NCAN: variants seen among roughly 807,000 people sequenced by gnomAD.
NCAN encodes neurocan core protein.
A neutral mutation model predicts 121.8 loss-of-function variants in NCAN; 47 were observed. That is an observed-to-expected ratio of 0.39 (90% CI 0.31 to 0.49). NCAN has a LOEUF of 0.49. NCAN is among the 20% of genes least tolerant of loss of function. NCAN has a pLI of 0.92. For missense variants in NCAN, 1,517 were observed against 1,773.4 expected (o/e 0.86, Z 2.60); for synonymous variants, 633 against 702.0 (o/e 0.90, Z 1.55).
chr19:19,243,811 A>G (rs1377968848), intron 12 of NCAN, among the ~76,000 whole-genome samples: 1 of 152,120 alleles, frequency 6.6e-6, no homozygotes, highest in Non-Finnish European at 1.5e-5. Context: ...GTGGATCGCG[A>G]GGTCAGGAGT....
intron 11 of NCAN, among the ~76,000 whole-genome samples, chr19:19,240,043 T>A: frequency 2.4e-5 from 1 of 41,622 alleles, no homozygotes; most frequent in African/African-American, 1.1e-4. Context: ...TCCTTTCTCC[T>A]CCCCCTCCTC....
chr19:19,251,312 A>G lies in NCAN; in HGVS notation c.*1401A>G, dbSNP rs957107461. 2 of 152,246 alleles carry G rather than the reference A, an allele frequency of 1.3e-5. No individual in the cohort carries two copies. Among genetic ancestry groups the G allele is most frequent in the East Asian group, 3.8e-4 (2 of 5,204 alleles). The allele number at this position is 152,246 out of a possible 1,614,324, so 9.4% of individuals were successfully genotyped here. On this transcript the variant is annotated 3_prime_UTR_variant, in exon 15 of 15. Transcript: ENST00000252575. ...GAGCCTGAATCCCTTCTGGGAAGTA[A>G]TAATGACCATTGACAACTAAGAAGT... is the stretch of plus-strand genomic sequence containing the variant.
chr19:19,214,701 C>A (rs2060789624), intron 1 of NCAN, among the ~76,000 whole-genome samples: 1 of 150,044 alleles, frequency 6.7e-6, no homozygotes, highest in Non-Finnish European at 1.5e-5. Flanking sequence ...GCAGAGCTAT[C>A]TGGATGTAGT....
rs1813474828 is a variant in NCAN, at chr19:19,219,216, A to G, written c.375A>G (p.Leu125=). Residue 125 remains leucine (L), a synonymous_variant, in exon 3 of 15, where the codon CTA becomes CTG. Coordinates refer to ENST00000252575, the MANE Select transcript of NCAN (RefSeq NM_004386.3). The part of the protein sequence containing the change: ...SYPRRRANAT[L]LLGPLRASDS... ...CCCGGCGCCGAGCCAACGCCACGCT[A>G]CTTCTGGGGCCACTGAGGGCCAGTG... is the stretch of plus-strand genomic sequence containing the variant. The G allele has an allele frequency of 1.9e-6, 3 of 1,609,232 alleles. No homozygotes were observed. The highest frequency in any genetic ancestry group is 2.5e-6 in the Non-Finnish European group (3 of 1,179,822).
At position 19,235,032 on chromosome 19, in the gene NCAN, T is replaced by C. The variant is rs748244650; in HGVS notation, c.3186T>C (p.Ile1062=). The C allele has an allele frequency of 6.2e-7, 1 of 1,613,316 alleles. No homozygotes were observed. The highest frequency in any genetic ancestry group is 1.7e-5 in the Admixed American group (1 of 59,990). Residue 1062 remains isoleucine (I), a synonymous_variant, in exon 10 of 15, where the codon ATT becomes ATC. Coordinates refer to ENST00000252575, the MANE Select transcript of NCAN (RefSeq NM_004386.3). Reference sequence around the variant, plus strand: ...CCTGTGAGAATGGAGGCACCTGTATTGATGAGGTCAATGGCTTTGTCTGCC... The same window carrying C: ...CCTGTGAGAATGGAGGCACCTGTATCGATGAGGTCAATGGCTTTGTCTGCC... ...CSPCENGGTC[I]DEVNGFVCLC...
chr19:19,224,965 C>T lies in NCAN; in HGVS notation c.779-12C>T. 2 of 1,421,958 alleles carry T rather than the reference C, an allele frequency of 1.4e-6. No homozygotes were observed. Among genetic ancestry groups the T allele is most frequent in the South Asian group, 2.9e-5 (2 of 67,814 alleles). 88.1% of individuals were successfully genotyped at this position (1,421,958 alleles called of 1,614,324 possible). A position where few individuals can be genotyped will look rare whatever the true frequency, so the allele number is the denominator to read the frequency against. On this transcript the variant is annotated splice_polypyrimidine_tract_variant and intron_variant, in intron 5 of 14. Coordinates refer to ENST00000252575, the MANE Select transcript of NCAN (RefSeq NM_004386.3). The stretch of plus-strand genomic sequence containing the variant: ...CCCCAGCCCCCCTGACCTCCACCCG[C>T]CCCTCCCGCAGGCGAGGTCTTCTAC...
intron 10 of NCAN, among the ~76,000 whole-genome samples, chr19:19,236,160 A>G (rs1186258207): frequency 6.6e-6 from 1 of 152,144 alleles, no homozygotes; most frequent in Non-Finnish European, 1.5e-5. Context: ...CTCTGTGCCC[A>G]CTAGGTGGTC....
At chr19:19,213,372 C>T (rs945350369) in intron 1 of NCAN, among the ~76,000 whole-genome samples, 1 of 151,932 alleles carries the variant, frequency 6.6e-6, no homozygotes, top group East Asian at 1.9e-4. Flanking sequence ...GCCACATCAC[C>T]ATGTGGCAAA....
Position 19,228,205 on chromosome 19 carries a change from A to G in NCAN, c.2585A>G (p.Gln862Arg). ...EEAESTTLSP[Q>R]VALDTSIVTP... is the part of the protein sequence containing the mutation. Reference sequence around the variant, plus strand: ...GCCGAAAGCACCACCTTGAGCCCTCAGGTGGCCCTGGATACAAGCATTGTG... The same window carrying G: ...GCCGAAAGCACCACCTTGAGCCCTCGGGTGGCCCTGGATACAAGCATTGTG... Residue 862 changes from glutamine (Q) to arginine (R), a missense_variant, in exon 8 of 15, where the codon CAG becomes CGG. Physicochemically the swap from Gln to Arg is conservative, Grantham distance 43. Coordinates refer to ENST00000252575, the MANE Select transcript of NCAN (RefSeq NM_004386.3). The G allele has an allele frequency of 6.2e-7, 1 of 1,613,920 alleles. No homozygotes were observed. The highest frequency in any genetic ancestry group is 8.5e-7 in the Non-Finnish European group (1 of 1,180,018).
In NCAN at chr19:19,225,623, C is replaced by T. The variant is rs1195201156; in HGVS notation, c.1072+353C>T. ...GAGCCACGCCCATACGCAGAAACAC[C>T]CCCGTGGAAGAGATAATGCCTCAAT... is the stretch of plus-strand genomic sequence containing the variant. On this transcript the variant is annotated intron_variant, in intron 6 of 14. Coordinates refer to ENST00000252575, the MANE Select transcript of NCAN (RefSeq NM_004386.3). This position sits in a 1 kb window ranked among gnomAD's most constrained non-coding sequence, Gnocchi z 4.0. 4.6e-5 allele frequency among the ~76,000 whole-genome samples: 7 copies of T among 152,210 alleles called. No homozygotes were observed. The highest frequency in any genetic ancestry group is 1.7e-4 in the African/African-American group (7 of 41,458).
chr19:19,243,116 A>G (rs545898238), intron 12 of NCAN, among the ~76,000 whole-genome samples: 1 of 152,184 alleles, frequency 6.6e-6, no homozygotes, highest in Admixed American at 6.6e-5. Flanking sequence ...AGAGTAGGCA[A>G]ATTTAGAGAC....
chr19:19,240,705 G>A lies in NCAN; in HGVS notation c.3492+20G>A. 3 of 1,612,308 alleles carry A rather than the reference G, an allele frequency of 1.9e-6. No homozygotes were observed. The highest frequency in any genetic ancestry group is 2.5e-6 in the Non-Finnish European group (3 of 1,178,700). On this transcript the variant is annotated intron_variant, in intron 12 of 14. Transcript: ENST00000252575. ...GGGCTGGTGAGTGGCAGGGGCTGCGGGCCTAGGCTGCTGAGCCACATCAGC... is the reference window on the plus strand; with the variant it reads ...GGGCTGGTGAGTGGCAGGGGCTGCGAGCCTAGGCTGCTGAGCCACATCAGC...
chr19:19,224,901 T>C (rs1024011158), intron 5 of NCAN, 76 bp from the exon 6 acceptor site: 36 of 1,258,642 alleles, frequency 2.9e-5, no homozygotes, highest in African/African-American at 1.1e-4. Flanking sequence ...TCGGAACTAT[T>C]TGGAGTTGGA....
At chr19:19,235,213 C>T in intron 10 of NCAN, 117 bp downstream of exon 10, 1 of 584,976 alleles carries the variant, frequency 1.7e-6, no homozygotes, top group Admixed American at 3.0e-5. Context: ...GAGCCTGACA[C>T]AAGATAAATT....
chr19:19,246,514 A>C (rs1381295055), intron 13 of NCAN, among the ~76,000 whole-genome samples: 2 of 152,068 alleles, frequency 1.3e-5, no homozygotes, highest in Admixed American at 1.3e-4. Flanking sequence ...CATGCCTTTA[A>C]GGATGAGAAT....
chr19:19,227,681 A>G lies in NCAN; in HGVS notation c.2061A>G (p.Thr687=). The G allele has an allele frequency of 2.5e-6, 4 of 1,614,002 alleles. No homozygotes were observed. Among genetic ancestry groups the G allele is most frequent in the South Asian group, 1.1e-5 (1 of 91,084 alleles). Residue 687 remains threonine, a synonymous_variant, in exon 8 of 15, where the codon ACA becomes ACG. Coordinates refer to ENST00000252575, the MANE Select transcript of NCAN (RefSeq NM_004386.3). The surrounding 1 kb of genome is among the most constrained non-coding windows in gnomAD (Gnocchi z 4.2). The part of the protein sequence containing the change: ...VYSLPLSLTP[T]GQGGEAMPTT... ...CCCTGCCTCTCTCTTTGACCCCAAC[A>G]GGACAGGGTGGAGAGGCCATGCCCA...
rs549811056 is a variant in NCAN at position 19,214,251 on chromosome 19, T to G, written c.-8+2187T>G. Among the ~76,000 whole-genome samples, 23 of 152,220 alleles carry G rather than the reference T, an allele frequency of 1.5e-4. 1 individual carries two copies. Among genetic ancestry groups the G allele is most frequent in the Middle Eastern group, 3.4e-3 (1 of 294 alleles). On this transcript the variant is annotated intron_variant, in intron 1 of 14. Transcript: ENST00000252575. ...ACTCTCTCACACACACACATTCACATGGATCCGAGCTGCCCCTCCTCCAGC... is the reference window on the plus strand; with the variant it reads ...ACTCTCTCACACACACACATTCACAGGGATCCGAGCTGCCCCTCCTCCAGC...
intron 1 of NCAN, among the ~76,000 whole-genome samples, chr19:19,214,725 GGGGT>G (rs1180212020): frequency 5.4e-5 from 6 of 110,186 alleles, no homozygotes; most frequent in East Asian, 2.6e-4. Flanking sequence ...ACCTGTTAAC[GGGGT>G]GTGTGTGTGT....
intron 10 of NCAN, 87 bp downstream of exon 10, chr19:19,235,183 G>A (rs569791178): frequency 2.4e-4 from 176 of 737,056 alleles, no homozygotes; most frequent in Middle Eastern, 3.1e-4. Context: ...CCAGGTCCCT[G>A]CCTCCAGTTC....
Sources: gnomAD v4.1 joint callset for allele counts (sites outside exome capture counted in the v4.1 genomes callset) on GRCh38, gnomAD v4.1.1 for gene constraint, Gnocchi (gnomAD v3.1) non-coding constraint, MANE v1.5 for transcripts, NCBI Gene and HGNC (gene_info 2026-07-23, HGNC 2026-07-21) for gene names.